Variants in KLF15 observed in about 807,000 individuals in gnomAD.
The protein encoded by KLF15 is KLF transcription factor 15.
Under a neutral mutation model 24.6 loss-of-function variants are expected in KLF15, and 4 were observed. That is an observed-to-expected ratio of 0.16 (90% CI 0.08 to 0.37). The LOEUF (loss-of-function observed/expected upper bound fraction) is 0.37. Among genes scored for constraint, KLF15 ranks in the 10% least tolerant of loss-of-function variants. The pLI is 1.00. For synonymous variants in KLF15, 246 were observed against 236.3 expected, an observed-to-expected ratio of 1.04 and a Z score of -0.37; for missense variants, 496 against 560.6, an observed-to-expected ratio of 0.88 and a Z score of 1.16.
chr3:126,288,815 A>C, the KLF15 span: 1 of 152,238 alleles, frequency 6.6e-6, no homozygotes, highest in African/African-American at 2.4e-5. Context: ...AAACCATTTA[A>C]AACTTTTTTT....
chr3:126,331,384 G>C, the KLF15 span, among the ~76,000 whole-genome samples: 1 of 152,300 alleles, frequency 6.6e-6, no homozygotes, highest in East Asian at 1.9e-4. Context: ...CTGGTTTATT[G>C]CTTGATATGC....
chr3:126,346,554 G>A (rs1044249179), intron 2 of KLF15, among the ~76,000 whole-genome samples: 5 of 152,166 alleles, frequency 3.3e-5, no homozygotes, highest in Admixed American at 6.5e-5. Flanking sequence ...AGGTGGTGAC[G>A]TGGGGCCACA....
chr3:126,326,291 C>T, the KLF15 span, among the ~76,000 whole-genome samples: 11 of 144,772 alleles, frequency 7.6e-5, no homozygotes, highest in South Asian at 4.7e-4. Context: ...CTTGGCAATG[C>T]GGGCTCTTTT....
the KLF15 span, among the ~76,000 whole-genome samples, chr3:126,300,488 G>A: frequency 6.6e-6 from 1 of 152,188 alleles, no homozygotes; most frequent in Non-Finnish European, 1.5e-5. Flanking sequence ...GTAGGTGTGG[G>A]CAGTGACAAC....
chr3:126,314,636 G>A, the KLF15 span, among the ~76,000 whole-genome samples: 2 of 152,126 alleles, frequency 1.3e-5, no homozygotes, highest in African/African-American at 4.8e-5. Context: ...GCAGGGCCCA[G>A]AGCCATTCAC....
chr3:126,342,107 C>T (rs937799149), downstream of KLF15, among the ~76,000 whole-genome samples: 6 of 152,186 alleles, frequency 3.9e-5, no homozygotes, highest in African/African-American at 7.2e-5. Context: ...GAGGACAGGA[C>T]GTAACTGCAT....
the KLF15 span, chr3:126,288,999 G>C: frequency 6.6e-6 from 1 of 152,160 alleles, no homozygotes. Flanking sequence ...AAAGACTTCA[G>C]TAATTCACAC....
Position 126,352,598 on chromosome 3 carries a change from G to A in KLF15, c.325C>T (p.Arg109Ter), listed in dbSNP as rs749679847. ...SSGPVAWGPW[R>*]RAAAPVKGEH... Reference sequence around the variant, plus strand: ...CCCTTCACAGGGGCCGCTGCCCTTCGCCAGGGCCCCCAGGCCACGGGGCCA... The same window carrying A: ...CCCTTCACAGGGGCCGCTGCCCTTCACCAGGGCCCCCAGGCCACGGGGCCA... The change falls in exon 2 of 3, where the codon CGA (arginine) becomes TGA (stop). Residue 109 changes from arginine to a stop codon, truncating the protein, a stop_gained. Transcript: ENST00000296233. LOFTEE classifies it high-confidence loss of function. 5 of 1,610,930 alleles carry A rather than the reference G, an allele frequency of 3.1e-6. No individual in the cohort carries two copies. The highest frequency in any genetic ancestry group is 1.1e-5 in the South Asian group (1 of 90,858).
chr3:126,298,035 G>A, the KLF15 span, among the ~76,000 whole-genome samples: 51,946 of 152,026 alleles, frequency 0.34, 9,674 homozygotes, highest in Non-Finnish European at 0.43. Context: ...ACTGTTTTCC[G>A]TAGTGGTTGT....
At chr3:126,318,693 A>ATT in the KLF15 span, among the ~76,000 whole-genome samples, 3 of 151,944 alleles carry the variant, frequency 2.0e-5, no homozygotes, top group African/African-American at 7.3e-5. Context: ...CTACTTACTT[A>ATT]TTTTTTTTAT....
chr3:126,298,654 GAT>G, the KLF15 span, among the ~76,000 whole-genome samples: 1 of 152,078 alleles, frequency 6.6e-6, no homozygotes, highest in Non-Finnish European at 1.5e-5. Flanking sequence ...TATAAGGTGA[GAT>G]ATGAGGATCC....
the KLF15 span, among the ~76,000 whole-genome samples, chr3:126,322,294 T>G: frequency 6.6e-6 from 1 of 152,190 alleles, no homozygotes. Flanking sequence ...AGAATGAAGG[T>G]GCCATCGGTG....
chr3:126,298,683 T>C, the KLF15 span, among the ~76,000 whole-genome samples: 10 of 152,198 alleles, frequency 6.6e-5, no homozygotes, highest in Non-Finnish European at 1.3e-4. Flanking sequence ...ATTCTACATG[T>C]GGCTTGCCAA....
chr3:126,352,246 A>G lies in KLF15; in HGVS notation c.677T>C (p.Val226Ala). Reference protein sequence around the residue: ...PIPVLLQIQPVPVKQESGTGP... With the variant: ...PIPVLLQIQPAPVKQESGTGP... ...TGTGCCCGATTCCTGCTTCACAGGC[A>G]CGGGCTGGATCTGCAGCAACACTGG... The change falls in exon 2 of 3, where the codon GTG (valine) becomes GCG (alanine). Residue 226 changes from valine (V) to alanine (A), a missense_variant. Physicochemically the swap from Val to Ala is moderately conservative, Grantham distance 64 (BLOSUM62 0). Coordinates refer to ENST00000296233, the MANE Select transcript of KLF15 (RefSeq NM_014079.4). 6.5e-7 allele frequency: 1 copy of G among 1,537,726 alleles called. No individual in the cohort carries two copies. Among genetic ancestry groups the G allele is most frequent in the Middle Eastern group, 1.8e-4 (1 of 5,710 alleles).
chr3:126,330,755 G>A, the KLF15 span, among the ~76,000 whole-genome samples: 215 of 152,240 alleles, frequency 1.4e-3, 2 homozygotes, highest in Admixed American at 4.0e-3. Flanking sequence ...TGTGTTTATG[G>A]TTGCTTCTTT....
the KLF15 span, among the ~76,000 whole-genome samples, chr3:126,315,556 G>T: frequency 2.0e-5 from 3 of 152,192 alleles, no homozygotes; most frequent in African/African-American, 4.8e-5. Flanking sequence ...GGGAAGTCAG[G>T]GGGGACAGGA....
chr3:126,346,079 C>T (rs1316665423), intron 2 of KLF15, among the ~76,000 whole-genome samples: 2 of 152,222 alleles, frequency 1.3e-5, no homozygotes, highest in Non-Finnish European at 2.9e-5. Flanking sequence ...GCCTCCTGTA[C>T]AGGCCTGGAT....
In KLF15 at chr3:126,352,236, C is replaced by A; in HGVS notation, c.687G>T (p.Lys229Asn). 6.5e-7 allele frequency: 1 copy of A among 1,537,592 alleles called. No individual in the cohort carries two copies. ...AGGCAGGCCCTGTGCCCGATTCCTG[C>A]TTCACAGGCACGGGCTGGATCTGCA... ...VLLQIQPVPVKQESGTGPASP... is the reference protein window; with the variant it reads ...VLLQIQPVPVNQESGTGPASP... Residue 229 changes from lysine to asparagine, a missense_variant, in exon 2 of 3, where the codon AAG becomes AAT. This residue lies in a region of KLF15 where 399 missense variants were observed against 423.1 expected (regional missense o/e 0.94). Coordinates refer to ENST00000296233, the MANE Select transcript of KLF15 (RefSeq NM_014079.4).
the KLF15 span, among the ~76,000 whole-genome samples, chr3:126,316,460 GGGCCGGAGTGGGGAAGGGAGTC>G: frequency 7.1e-6 from 1 of 140,924 alleles, no homozygotes; most frequent in African/African-American, 2.7e-5. Context: ...GGGAGTCTAT[GGGCCGGAGTGGGGAAGGGAGTC>G]CACAGGCCGG....
Sources: gnomAD v4.1 joint callset for allele counts (sites outside exome capture counted in the v4.1 genomes callset) on GRCh38, gnomAD v4.1.1 for gene constraint, gnomAD v4.1.1 regional missense constraint, MANE v1.5 for transcripts, NCBI Gene and HGNC (gene_info 2026-07-23, HGNC 2026-07-21) for gene names.